The following TAFA1 variants were observed in gnomAD, a reference collection of about 807,000 sequenced individuals.
TAFA1 encodes the protein chemokine-like protein TAFA-1.
A neutral mutation model predicts 18.5 loss-of-function variants in TAFA1; 4 were observed. The observed-to-expected ratio is 0.22, with a 90% CI of 0.11 to 0.49. The LOEUF is 0.49. TAFA1 is among the 20% of genes least tolerant of loss of function. The pLI, the probability that TAFA1 is intolerant of heterozygous loss-of-function variation, is 0.98. For synonymous variants in TAFA1, 56 were observed against 55.2 expected (o/e 1.01, Z -0.06); for missense variants, 147 against 169.0 (o/e 0.87, Z 0.72).
At chr3:68,452,570 T>G (rs2071583993) in intron 3 of TAFA1, among the ~76,000 whole-genome samples, 1 of 146,592 alleles carries the variant, frequency 6.8e-6, no homozygotes, top group Admixed American at 6.8e-5. Context: ...GGTAAGAACA[T>G]GTCTACTACT....
chr3:68,374,587 G>T (rs72912928), intron 2 of TAFA1, among the ~76,000 whole-genome samples: 1 of 152,084 alleles, frequency 6.6e-6, no homozygotes, highest in Non-Finnish European at 1.5e-5. Context: ...CTACAATTCA[G>T]CATGTCTTGA....
At chr3:68,499,973 A>G (rs2072629182) in intron 3 of TAFA1, among the ~76,000 whole-genome samples, 1 of 151,884 alleles carries the variant, frequency 6.6e-6, no homozygotes, top group Non-Finnish European at 1.5e-5. Flanking sequence ...ACGATAATAA[A>G]CCACAGGTTT....
chr3:68,369,374 A>G (rs2069635451), intron 2 of TAFA1, among the ~76,000 whole-genome samples: 1 of 152,240 alleles, frequency 6.6e-6, no homozygotes, highest in Non-Finnish European at 1.5e-5. Flanking sequence ...TTATATCTCA[A>G]TACATTATTG....
At chr3:68,480,102 C>T (rs998624832) in intron 3 of TAFA1, among the ~76,000 whole-genome samples, 3 of 151,902 alleles carry the variant, frequency 2.0e-5, no homozygotes, top group African/African-American at 7.3e-5. Flanking sequence ...AATATAAATT[C>T]TTGGGGTTGG....
intron 2 of TAFA1, among the ~76,000 whole-genome samples, chr3:68,181,970 G>T (rs540727692): frequency 1.2e-4 from 19 of 152,314 alleles, no homozygotes; most frequent in Admixed American, 7.9e-4. Flanking sequence ...ACTTCGGGAG[G>T]CTAAGGCAGG....
At chr3:68,120,193 CTTTCTTTCTTTCTTTCTTTCTT>C (rs2065376703) in intron 2 of TAFA1, among the ~76,000 whole-genome samples, 4 of 58,822 alleles carry the variant, frequency 6.8e-5, no homozygotes, top group Non-Finnish European at 1.4e-4. Context: ...TTCTTTCTTT[CTTTCTTTCTTTCTTTCTTTCTT>C]TCTTTCTTTC....
At chr3:68,477,923 C>G (rs961478728) in intron 3 of TAFA1, among the ~76,000 whole-genome samples, 1 of 152,118 alleles carries the variant, frequency 6.6e-6, no homozygotes, top group Non-Finnish European at 1.5e-5. Context: ...GAATGAGAGG[C>G]ATGGATCATC....
At chr3:68,256,343 G>A (rs1324165064) in intron 2 of TAFA1, among the ~76,000 whole-genome samples, 1 of 152,126 alleles carries the variant, frequency 6.6e-6, no homozygotes, top group Non-Finnish European at 1.5e-5. Flanking sequence ...AACTTCCTTA[G>A]CTCTGAGGTG....
chr3:68,066,310 A>C (rs573968825), intron 2 of TAFA1, among the ~76,000 whole-genome samples: 5 of 152,290 alleles, frequency 3.3e-5, no homozygotes, highest in South Asian at 2.1e-4. Flanking sequence ...AGAGCAGATA[A>C]GTTTATCTTT....
rs574156344 is a variant in TAFA1 at position 68,447,444 on chromosome 3, A to G, written c.259+30024A>G. Among the ~76,000 whole-genome samples, 5 of 152,250 alleles carry G rather than the reference A, an allele frequency of 3.3e-5. No individual in the cohort carries two copies. The South Asian group carries it at 1.0e-3, about 32-fold the overall frequency. On this transcript the variant is annotated intron_variant, in intron 3 of 4. Transcript: ENST00000478136. ...GATTTGATAACTCAATTCATCCACT[A>G]TGCATCACTTGCTCAGGATCCACTC...
intron 2 of TAFA1, among the ~76,000 whole-genome samples, chr3:68,378,711 C>T (rs574017139): frequency 6.6e-6 from 1 of 152,116 alleles, no homozygotes; most frequent in Non-Finnish European, 1.5e-5. Flanking sequence ...GTAATTCCCA[C>T]GTGTTGAGGG....
chr3:68,454,892 C>A (rs2071630392), intron 3 of TAFA1, among the ~76,000 whole-genome samples: 2 of 151,884 alleles, frequency 1.3e-5, no homozygotes, highest in South Asian at 4.2e-4. Flanking sequence ...ATACAGTTGA[C>A]TCCTGATCAA....
At chr3:68,434,756 T>C (rs2071241032) in intron 3 of TAFA1, among the ~76,000 whole-genome samples, 1 of 152,228 alleles carries the variant, frequency 6.6e-6, no homozygotes, top group African/African-American at 2.4e-5. Context: ...TTGGTATACA[T>C]TTCAGAGTTA....
intron 2 of TAFA1, among the ~76,000 whole-genome samples, chr3:68,412,483 C>T (rs2070736273): frequency 6.6e-6 from 1 of 152,030 alleles, no homozygotes; most frequent in South Asian, 2.1e-4. Flanking sequence ...CCTGTTAGCT[C>T]GTCATTTACA....
At chr3:68,105,221 T>C (rs144462412) in intron 2 of TAFA1, among the ~76,000 whole-genome samples, 15 of 152,178 alleles carry the variant, frequency 9.9e-5, no homozygotes, top group East Asian at 9.7e-4. Context: ...ACCTCCAACA[T>C]TGGGGATCAC....
intron 3 of TAFA1, among the ~76,000 whole-genome samples, chr3:68,511,537 C>T (rs1465947101): frequency 1.3e-5 from 2 of 151,996 alleles, no homozygotes; most frequent in Non-Finnish European, 2.9e-5. Flanking sequence ...TGGGTAAATA[C>T]CATGAGGTTT....
chr3:68,508,856 T>G (rs751005758), intron 3 of TAFA1, among the ~76,000 whole-genome samples: 5 of 151,976 alleles, frequency 3.3e-5, no homozygotes, highest in Admixed American at 6.6e-5. Context: ...AAGAGTTCAG[T>G]GATCACTAGA....
intron 2 of TAFA1, among the ~76,000 whole-genome samples, chr3:68,400,970 T>C (rs1303511695): frequency 1.3e-5 from 2 of 152,150 alleles, no homozygotes; most frequent in Admixed American, 6.6e-5. Context: ...TCTAGCCATA[T>C]AGAAAAAGGA....
intron 3 of TAFA1, among the ~76,000 whole-genome samples, chr3:68,482,073 C>T (rs963080792): frequency 2.6e-5 from 4 of 152,144 alleles, no homozygotes; most frequent in Admixed American, 6.5e-5. Context: ...TGCAGTGGCG[C>T]GATCTTGACT....
Sources: allele counts gnomAD v4.1 joint callset (sites outside exome capture counted in the v4.1 genomes callset), GRCh38; gene constraint gnomAD v4.1.1; transcripts MANE v1.5; gene names NCBI Gene and HGNC (gene_info 2026-07-23, HGNC 2026-07-21).